Variants in KCNB2 observed in about 807,000 individuals in gnomAD.
The protein encoded by KCNB2 is potassium voltage-gated channel subfamily B member 2, also known as delayed rectifier potassium channel protein.
In KCNB2, 15 loss-of-function variants were observed where a neutral mutation model predicts 61.5. The ratio of observed to expected loss-of-function variants is 0.24; its 90% confidence interval spans 0.16 to 0.38. The LOEUF is 0.38. KCNB2 is among the 10% of genes least tolerant of loss of function. KCNB2 has a pLI of 1.00. For synonymous variants in KCNB2, 457 were observed against 446.0 expected, an observed-to-expected ratio of 1.02 and a Z score of -0.31; for missense variants, 828 against 1,125.2, an observed-to-expected ratio of 0.74 and a Z score of 3.78.
intron 2 of KCNB2, among the ~76,000 whole-genome samples, chr8:72,740,921 T>C (rs1807946894): frequency 6.6e-6 from 1 of 152,224 alleles, no homozygotes; most frequent in Non-Finnish European, 1.5e-5. Flanking sequence ...ACTTTGGGTA[T>C]TTTAATTGAT....
At chr8:72,602,547 T>C (rs951239991) in intron 2 of KCNB2, among the ~76,000 whole-genome samples, 1 of 152,148 alleles carries the variant, frequency 6.6e-6, no homozygotes, top group African/African-American at 2.4e-5. Flanking sequence ...ACTCTAGTCA[T>C]TTTTTGCATT....
chr8:72,912,775 C>T (rs1806323635), intron 2 of KCNB2, among the ~76,000 whole-genome samples: 1 of 151,930 alleles, frequency 6.6e-6, no homozygotes, highest in Non-Finnish European at 1.5e-5. Flanking sequence ...TAGCCTGGAG[C>T]CAGAGGCTGC....
At chr8:72,906,813 A>C (rs1004912801) in intron 2 of KCNB2, among the ~76,000 whole-genome samples, 1 of 152,186 alleles carries the variant, frequency 6.6e-6, no homozygotes, top group Non-Finnish European at 1.5e-5. Flanking sequence ...TGTAGGACGC[A>C]CTGGGCAATT....
chr8:72,572,913 T>A (rs1174759193), intron 2 of KCNB2, among the ~76,000 whole-genome samples: 1 of 152,122 alleles, frequency 6.6e-6, no homozygotes, highest in Non-Finnish European at 1.5e-5. Context: ...ACAGGTCCAT[T>A]GTCGTTGGCA....
intron 2 of KCNB2, among the ~76,000 whole-genome samples, chr8:72,884,670 CTT>C (rs1203523018): frequency 1.3e-5 from 2 of 152,092 alleles, no homozygotes; most frequent in African/African-American, 4.8e-5. Flanking sequence ...TTATTGAAGA[CTT>C]TATCTTTTCC....
chr8:72,590,703 A>G (rs922543254), intron 2 of KCNB2, among the ~76,000 whole-genome samples: 2 of 152,158 alleles, frequency 1.3e-5, no homozygotes, highest in Non-Finnish European at 2.9e-5. Flanking sequence ...TGCTTAATGA[A>G]AGTGAACCAT....
chr8:72,773,135 C>G (rs1372695830), intron 2 of KCNB2, among the ~76,000 whole-genome samples: 1 of 152,152 alleles, frequency 6.6e-6, no homozygotes, highest in Non-Finnish European at 1.5e-5. Context: ...ACAGCATTAG[C>G]ATCTTTCTTG....
intron 2 of KCNB2, among the ~76,000 whole-genome samples, chr8:72,769,507 G>A (rs1585882927): frequency 6.6e-6 from 1 of 152,188 alleles, no homozygotes; most frequent in East Asian, 1.9e-4. Flanking sequence ...AATTCTGCCA[G>A]GGGTGCAATT....
chr8:72,630,405 A>G (rs994639838), intron 2 of KCNB2, among the ~76,000 whole-genome samples: 3 of 152,192 alleles, frequency 2.0e-5, no homozygotes, highest in South Asian at 4.1e-4. Context: ...ATTCTACTCC[A>G]AATCCCAAGG....
intron 2 of KCNB2, among the ~76,000 whole-genome samples, chr8:72,624,883 C>T (rs954340366): frequency 1.3e-5 from 2 of 152,214 alleles, no homozygotes; most frequent in Non-Finnish European, 2.9e-5. Context: ...GTGGGCTGCC[C>T]GTGTTGGGAG....
At chr8:72,554,255 A>G (rs182656976) in intron 1 of KCNB2, among the ~76,000 whole-genome samples, 53 of 152,248 alleles carry the variant, frequency 3.5e-4, no homozygotes, top group Admixed American at 1.4e-3. Context: ...ATCATCTCCC[A>G]TGCTCGATAT....
chr8:72,808,763 C>T (rs1339889257), intron 2 of KCNB2, among the ~76,000 whole-genome samples: 1 of 152,114 alleles, frequency 6.6e-6, no homozygotes, highest in Non-Finnish European at 1.5e-5. Flanking sequence ...TAGTTGATGC[C>T]TCCTTATCTA....
intron 2 of KCNB2, among the ~76,000 whole-genome samples, chr8:72,863,025 T>G (rs752750464): frequency 2.6e-5 from 4 of 152,226 alleles, no homozygotes; most frequent in African/African-American, 7.2e-5. Context: ...AAAGCCCATG[T>G]TTTTTGCCCT....
At chr8:72,563,853 CTT>C (rs746672384) in intron 1 of KCNB2, among the ~76,000 whole-genome samples, 4 of 152,154 alleles carry the variant, frequency 2.6e-5, no homozygotes, top group Non-Finnish European at 4.4e-5. Context: ...AGCCTGCACT[CTT>C]TATCAGGTAA....
chr8:72,752,628 A>G (rs1478346990), intron 2 of KCNB2, among the ~76,000 whole-genome samples: 1 of 152,192 alleles, frequency 6.6e-6, no homozygotes, highest in Non-Finnish European at 1.5e-5. Flanking sequence ...TTGTTCAAGG[A>G]GCTTAGAGTC....
chr8:72,847,051 C>T (rs994702722), intron 2 of KCNB2, among the ~76,000 whole-genome samples: 6 of 152,146 alleles, frequency 3.9e-5, no homozygotes, highest in Non-Finnish European at 8.8e-5. Context: ...ATGTGGCACA[C>T]ATACACCATG....
chr8:72,849,587 G>A (rs1424028148), intron 2 of KCNB2, among the ~76,000 whole-genome samples: 5 of 152,026 alleles, frequency 3.3e-5, no homozygotes, highest in African/African-American at 1.2e-4. Context: ...ACTTAAAAAA[G>A]AGAATATAAA....
chr8:72,774,871 G>C (rs561813883), intron 2 of KCNB2, among the ~76,000 whole-genome samples: 1 of 151,890 alleles, frequency 6.6e-6, no homozygotes, highest in East Asian at 1.9e-4. Context: ...TTCTTTATCC[G>C]TGTAGCTCAG....
intron 2 of KCNB2, among the ~76,000 whole-genome samples, chr8:72,606,435 A>G (rs1305315413): frequency 6.6e-6 from 1 of 152,250 alleles, no homozygotes; most frequent in Non-Finnish European, 1.5e-5. Context: ...GAAATGCATC[A>G]AAGTTCTAAT....
Sources: gnomAD v4.1 joint callset for allele counts (sites outside exome capture counted in the v4.1 genomes callset) on GRCh38, gnomAD v4.1.1 for gene constraint, MANE v1.5 for transcripts, NCBI Gene and HGNC (gene_info 2026-07-23, HGNC 2026-07-21) for gene names.